CAPN5: variants seen among roughly 807,000 people sequenced by gnomAD.
The protein encoded by CAPN5 is calpain 5.
Under a neutral mutation model 73.0 loss-of-function variants are expected in CAPN5, and 54 were observed. That is an observed-to-expected ratio of 0.74 (90% CI 0.59 to 0.93). CAPN5 has a LOEUF of 0.93. CAPN5 is among the 40% of genes least tolerant of loss of function. CAPN5 has a pLI of 0.00. For synonymous variants in CAPN5, 335 were observed against 356.9 expected, an observed-to-expected ratio of 0.94 and a Z score of 0.69; for missense variants, 785 against 882.9, an observed-to-expected ratio of 0.89 and a Z score of 1.41.
intron 1 of CAPN5, among the ~76,000 whole-genome samples, chr11:77,069,359 T>A (rs1282596965): frequency 6.6e-6 from 1 of 152,154 alleles, no homozygotes; most frequent in Non-Finnish European, 1.5e-5. Context: ...GTTCCCTCCC[T>A]GGGGATGAGG....
chr11:77,075,049 G>A (rs1450448274), intron 1 of CAPN5, among the ~76,000 whole-genome samples: 2 of 152,094 alleles, frequency 1.3e-5, no homozygotes, highest in Non-Finnish European at 2.9e-5. Flanking sequence ...GCCACATGGG[G>A]CTCCGCAAGA....
At chr11:77,102,868 A>G (rs1555039112) in intron 3 of CAPN5, 1 of 1,607,924 alleles carries the variant, frequency 6.2e-7, no homozygotes, top group Non-Finnish European at 8.5e-7. Flanking sequence ...CAGCAGCCGC[A>G]GCTGGACATG....
At chr11:77,115,295 C>T (rs538748479) in intron 5 of CAPN5, 100 bp from the exon 6 acceptor site, 3 of 887,312 alleles carry the variant, frequency 3.4e-6, no homozygotes, top group Admixed American at 5.2e-5. Flanking sequence ...CCCATCCCAT[C>T]CTGTAGGTCC....
intron 1 of CAPN5, among the ~76,000 whole-genome samples, chr11:77,074,815 G>T (rs759617717): frequency 2.1e-4 from 32 of 152,280 alleles, no homozygotes; most frequent in Admixed American, 1.2e-3. Context: ...GTGGGGTACG[G>T]GGCAGTGGAG....
chr11:77,072,392 G>A (rs1476195622), intron 1 of CAPN5, among the ~76,000 whole-genome samples: 10 of 152,152 alleles, frequency 6.6e-5, no homozygotes, highest in African/African-American at 1.9e-4. Flanking sequence ...TCTGCCTCTC[G>A]CCTTCACCAG....
chr11:77,099,929 C>T (rs556203704), intron 3 of CAPN5, among the ~76,000 whole-genome samples: 26 of 152,174 alleles, frequency 1.7e-4, no homozygotes, highest in African/African-American at 6.3e-4. Context: ...CTCCACCTCC[C>T]GGGTTCAAGT....
chr11:77,093,590 GTCTGTCACGTCT>G lies in CAPN5; in HGVS notation c.166-91_166-80del, dbSNP rs1163425139. On this transcript the variant is annotated intron_variant, in intron 2 of 12. Transcript: ENST00000648180. ...GCTGATGATCACACAGCAAGTCTGT[GTCTGTCACGTCT>G]GTGTCTGTCATGTCTCCTGCCATGG... is the stretch of plus-strand genomic sequence containing the variant. The G allele has an allele frequency of 2.6e-4, 199 of 763,084 alleles. 2 individuals are homozygous for G. In the East Asian group the frequency reaches 5.5e-3, roughly 21 times the overall value. The allele number at this position is 763,084 out of a possible 1,614,324, so 47.3% of individuals were successfully genotyped here.
At chr11:77,112,534 AGCCGGACATCC>A (rs1230219135) in intron 3 of CAPN5, 44 bp from the exon 4 acceptor site, 3 of 1,385,634 alleles carry the variant, frequency 2.2e-6, no homozygotes, top group Non-Finnish European at 2.1e-6. Context: ...TTCCTCAGGA[AGCCGGACATCC>A]CCTCACTGTG....
At chr11:77,094,002 C>T (rs117369287) in intron 3 of CAPN5, among the ~76,000 whole-genome samples, 189 bp downstream of exon 3, 1 of 152,236 alleles carries the variant, frequency 6.6e-6, no homozygotes, top group Admixed American at 6.5e-5. Context: ...GCTGGGCACC[C>T]CCAGGGGCAG....
intron 1 of CAPN5, among the ~76,000 whole-genome samples, chr11:77,080,518 C>T (rs1485668336): frequency 6.6e-6 from 1 of 152,174 alleles, no homozygotes. Flanking sequence ...CTTGGTGTTC[C>T]CATCTACAAA....
intron 1 of CAPN5, chr11:77,073,016 G>A (rs985790754): frequency 1.7e-5 from 20 of 1,152,226 alleles, no homozygotes; most frequent in Middle Eastern, 2.3e-4. Flanking sequence ...GGGAGTGAGC[G>A]AGCACACAGC....
intron 1 of CAPN5, among the ~76,000 whole-genome samples, chr11:77,083,986 G>A (rs1351134603): frequency 2.0e-5 from 3 of 152,324 alleles, no homozygotes; most frequent in African/African-American, 4.8e-5. Flanking sequence ...AGAGTAGATC[G>A]GGGACTGTGG....
At chr11:77,104,718 T>C (rs1290982069) in intron 3 of CAPN5, among the ~76,000 whole-genome samples, 13 of 152,182 alleles carry the variant, frequency 8.5e-5, no homozygotes, top group African/African-American at 3.1e-4. Context: ...CAGCCCTGTG[T>C]TTTGTCCTCA....
At chr11:77,088,085 T>TG (rs1555035884) in intron 2 of CAPN5, 4 of 1,517,588 alleles carry the variant, frequency 2.6e-6, no homozygotes, top group Non-Finnish European at 3.5e-6. Context: ...TGTCACCCTG[T>TG]GGGGGCAACA....
chr11:77,120,495 C>T, intron 9 of CAPN5: 1 of 464,696 alleles, frequency 2.2e-6, no homozygotes. Flanking sequence ...CCAAAAGAAA[C>T]CCACTCCCTT....
At position 77,112,723 on chromosome 11, in the gene CAPN5, CA is replaced by C; in HGVS notation, c.434del (p.Asn145ThrfsTer18). 6.2e-7 allele frequency: 1 copy of C among 1,614,264 alleles called. No individual in the cohort carries two copies. Among genetic ancestry groups the C allele is most frequent in the Non-Finnish European group, 8.5e-7 (1 of 1,180,048 alleles). ...TCGATGACCGGCTGCCCACAGTCAACAACCAGCTCATCTACTGCCACTCCAA... is the reference window on the plus strand; with the variant it reads ...TCGATGACCGGCTGCCCACAGTCAACACCAGCTCATCTACTGCCACTCCAA... ...VIDDRLPTVN[N>X]QLIYCHSNSR... On this transcript the variant is annotated frameshift_variant, in exon 4 of 13. Coordinates refer to ENST00000648180, the MANE Select transcript of CAPN5 (RefSeq NM_004055.5). LOFTEE classifies it high-confidence loss of function.
intron 2 of CAPN5, among the ~76,000 whole-genome samples, chr11:77,090,888 G>A (rs1302088220): frequency 6.6e-6 from 1 of 152,200 alleles, no homozygotes; most frequent in Non-Finnish European, 1.5e-5. Context: ...GCAGCGGGGA[G>A]GAGAGGGAAA....
intron 2 of CAPN5, among the ~76,000 whole-genome samples, chr11:77,085,392 G>A (rs1268806332): frequency 1.3e-5 from 2 of 152,174 alleles, no homozygotes; most frequent in African/African-American, 4.8e-5. Context: ...TTGATAAAAT[G>A]TAGATTGACA....
rs944154294 is a variant in CAPN5, at chr11:77,108,192, G to T, written c.298-4397G>T. ...AAGACTCCAGCCAGCTTTGGAGCTGGGCCAGGCCCTGTGCTGGGTGCTGGA... is the reference window on the plus strand; with the variant it reads ...AAGACTCCAGCCAGCTTTGGAGCTGTGCCAGGCCCTGTGCTGGGTGCTGGA... On this transcript the variant is annotated intron_variant, in intron 3 of 12. Coordinates refer to ENST00000648180, the MANE Select transcript of CAPN5 (RefSeq NM_004055.5). Among the ~76,000 whole-genome samples, 4 of 152,238 alleles carry T rather than the reference G, an allele frequency of 2.6e-5. 1 individual carries two copies. Among genetic ancestry groups the T allele is most frequent in the Non-Finnish European group, 5.9e-5 (4 of 68,046 alleles).
Sources: allele counts gnomAD v4.1 joint callset (sites outside exome capture counted in the v4.1 genomes callset), GRCh38; gene constraint gnomAD v4.1.1; transcripts MANE v1.5; gene names NCBI Gene and HGNC (gene_info 2026-07-23, HGNC 2026-07-21).